RBFOX1: variants seen among roughly 807,000 people sequenced by gnomAD.
RBFOX1 encodes the protein RNA binding protein fox-1 homolog 1.
Under a neutral mutation model 57.7 loss-of-function variants are expected in RBFOX1, and 8 were observed. That is an observed-to-expected ratio of 0.14 (90% CI 0.08 to 0.25). The LOEUF (loss-of-function observed/expected upper bound fraction) is 0.25. RBFOX1 is among the 10% of genes least tolerant of loss of function. RBFOX1 has a pLI of 1.00. For synonymous variants in RBFOX1, 326 were observed against 222.4 expected, an observed-to-expected ratio of 1.47 and a Z score of -4.15; for missense variants, 611 against 548.5, an observed-to-expected ratio of 1.11 and a Z score of -1.14.
At chr16:5,791,279 A>T (rs2054686025) in intron 3 of RBFOX1, among the ~76,000 whole-genome samples, 1 of 152,208 alleles carries the variant, frequency 6.6e-6, no homozygotes, top group African/African-American at 2.4e-5. Flanking sequence ...TATCGCACTA[A>T]AAAATGTAGC....
chr16:6,930,294 A>G (rs1056660120), intron 3 of RBFOX1, among the ~76,000 whole-genome samples: 7 of 152,218 alleles, frequency 4.6e-5, no homozygotes, highest in Non-Finnish European at 8.8e-5. Context: ...TCCAAAAGAT[A>G]TATACAAATG....
chr16:6,961,027 C>T (rs954329799), intron 3 of RBFOX1, among the ~76,000 whole-genome samples: 2 of 150,524 alleles, frequency 1.3e-5, no homozygotes, highest in African/African-American at 2.4e-5. Flanking sequence ...AACTATAGTC[C>T]AGCTACTCAG....
intron 3 of RBFOX1, among the ~76,000 whole-genome samples, chr16:5,776,594 A>T (rs1205097505): frequency 6.6e-6 from 1 of 152,240 alleles, no homozygotes; most frequent in African/African-American, 2.4e-5. Flanking sequence ...TTTTATTATG[A>T]AGAACGAATG....
intron 4 of RBFOX1, among the ~76,000 whole-genome samples, chr16:7,178,249 C>T (rs186049331): frequency 2.3e-4 from 35 of 152,348 alleles, no homozygotes; most frequent in African/African-American, 7.9e-4. Context: ...TTGTCAGAGG[C>T]ACTATCAGCC....
intron 1 of RBFOX1, chr16:5,240,239 G>A (rs1395318768): frequency 4.4e-6 from 3 of 682,486 alleles, no homozygotes; most frequent in Non-Finnish European, 7.9e-6. Flanking sequence ...TCCGGCGGGC[G>A]CGGAGTGACA....
At chr16:5,308,476 A>T (rs1351584921) in intron 1 of RBFOX1, among the ~76,000 whole-genome samples, 4 of 152,214 alleles carry the variant, frequency 2.6e-5, no homozygotes, top group African/African-American at 9.6e-5. Flanking sequence ...TTCTTGACTG[A>T]TCTGACTGAT....
intron 2 of RBFOX1, among the ~76,000 whole-genome samples, chr16:6,447,973 CAA>C (rs2094517880): frequency 9.7e-6 from 1 of 103,542 alleles, no homozygotes; most frequent in Non-Finnish European, 2.0e-5. Flanking sequence ...ATATTTCAGA[CAA>C]GAGTCTCTCT....
intron 2 of RBFOX1, among the ~76,000 whole-genome samples, chr16:6,433,367 A>T (rs1353910852): frequency 1.3e-5 from 2 of 152,196 alleles, no homozygotes; most frequent in Non-Finnish European, 2.9e-5. Context: ...CTTCCACCAG[A>T]CACTGTAGAG....
chr16:6,504,570 A>T (rs1055359874), intron 2 of RBFOX1, among the ~76,000 whole-genome samples: 9 of 152,198 alleles, frequency 5.9e-5, no homozygotes, highest in African/African-American at 2.2e-4. Context: ...GCCTATCTAC[A>T]TTCCAAACAT....
At chr16:6,038,435 G>A (rs913612524) in intron 1 of RBFOX1, 1 of 149,752 alleles carries the variant, frequency 6.7e-6, no homozygotes, top group African/African-American at 2.4e-5. Flanking sequence ...GCCCACCTCA[G>A]CCTGCCAAAG....
At chr16:5,959,533 T>G (rs1171889808) in intron 4 of RBFOX1, among the ~76,000 whole-genome samples, 3 of 152,074 alleles carry the variant, frequency 2.0e-5, no homozygotes, top group Admixed American at 6.6e-5. Flanking sequence ...AAAAGGAAAT[T>G]TGTATAAAAG....
intron 4 of RBFOX1, among the ~76,000 whole-genome samples, chr16:5,908,197 CATATACACACATATATATACAT>C (rs1567133822): frequency 3.6e-5 from 4 of 110,542 alleles, no homozygotes; most frequent in East Asian, 2.6e-4. Context: ...CACATATATA[CATATACACACATATATATACAT>C]ATATACACAC....
intron 3 of RBFOX1, among the ~76,000 whole-genome samples, chr16:7,037,789 C>T (rs1457640820): frequency 1.3e-5 from 2 of 152,112 alleles, no homozygotes; most frequent in Admixed American, 6.6e-5. Flanking sequence ...GTCTGGCTTT[C>T]GATTTTGTTC....
At chr16:6,708,758 A>C (rs140052733) in intron 3 of RBFOX1, among the ~76,000 whole-genome samples, 1 of 152,272 alleles carries the variant, frequency 6.6e-6, no homozygotes, top group East Asian at 1.9e-4. Flanking sequence ...CGTCCCTTCG[A>C]CTGGCTGTGG....
intron 5 of RBFOX1, among the ~76,000 whole-genome samples, chr16:7,575,460 A>G (rs964824794): frequency 2.0e-5 from 3 of 152,154 alleles, no homozygotes; most frequent in Admixed American, 6.5e-5. Context: ...AGAAAAAGGA[A>G]GAGGGAAATT....
At chr16:6,550,518 G>A (rs1268284973) in intron 2 of RBFOX1, among the ~76,000 whole-genome samples, 1 of 151,872 alleles carries the variant, frequency 6.6e-6, no homozygotes, top group East Asian at 1.9e-4. Flanking sequence ...TAGAGACGGG[G>A]TTTCATGATG....
rs937105874 is a variant in RBFOX1, at chr16:6,676,364, T to G, written c.-16+21714T>G. Among the ~76,000 whole-genome samples the G allele has an allele frequency of 2.0e-5, 3 of 152,106 alleles. 1 individual carries two copies. Among genetic ancestry groups the G allele is most frequent in the Admixed American group, 2.0e-4 (3 of 15,270 alleles). On this transcript the variant is annotated intron_variant, in intron 3 of 15. Transcript: ENST00000550418. ...GGGGAGTCATGAGCTGTTTCGTTTT[T>G]ACAATGGCAGCGCCTGCCCCAGTTG...
intron 13 of RBFOX1, among the ~76,000 whole-genome samples, chr16:7,675,306 T>TC (rs1182835201): frequency 6.6e-6 from 1 of 152,080 alleles, no homozygotes; most frequent in African/African-American, 2.4e-5. Flanking sequence ...TTTAATGAGT[T>TC]CCCCATTCCT....
rs1280436902 is a variant in RBFOX1 at position 6,375,220 on chromosome 16, G to C, written c.-64+58163G>C. On this transcript the variant is annotated intron_variant, in intron 2 of 15. Coordinates refer to ENST00000550418, the MANE Select transcript of RBFOX1 (RefSeq NM_018723.4). ...GTATTTTCTGTGAACTTCATGGGTG[G>C]CTTTCATAGGGAATTCTCCATGTCA... Among the ~76,000 whole-genome samples, 3 of 152,020 alleles carry C rather than the reference G, an allele frequency of 2.0e-5. 1 individual carries two copies. Among genetic ancestry groups the C allele is most frequent in the Admixed American group, 1.3e-4 (2 of 15,256 alleles).
Sources: allele counts gnomAD v4.1 joint callset (sites outside exome capture counted in the v4.1 genomes callset), GRCh38; gene constraint gnomAD v4.1.1; transcripts MANE v1.5; gene names NCBI Gene and HGNC (gene_info 2026-07-23, HGNC 2026-07-21).